Variants in CYFIP1 observed in about 807,000 individuals in gnomAD.
CYFIP1 encodes the protein cytoplasmic FMR1 interacting protein 1, also known as cytoplasmic FMR1-interacting protein 1.
CYFIP1 carries 58 observed loss-of-function variants against 163.5 expected under a neutral mutation model. The observed-to-expected ratio is 0.35, with a 90% CI of 0.29 to 0.44. The LOEUF (loss-of-function observed/expected upper bound fraction) is 0.44. Ranked by LOEUF, CYFIP1 falls within the 20% of genes least tolerant of loss-of-function variation. The pLI is 1.00. For missense variants in CYFIP1, 1,338 were observed against 1,653.8 expected (o/e 0.81, Z 3.31); for synonymous variants, 663 against 660.7 (o/e 1.00, Z -0.05).
chr15:22,913,548 A>AAAAG (rs1410120461), intron 17 of CYFIP1, among the ~76,000 whole-genome samples: 8 of 141,404 alleles, frequency 5.7e-5, no homozygotes, highest in African/African-American at 1.5e-4. Context: ...AAAAAAAAAA[A>AAAAG]AAAGAAAGAA....
intron 23 of CYFIP1, among the ~76,000 whole-genome samples, chr15:22,884,495 G>A (rs962064747): frequency 7.2e-5 from 11 of 152,204 alleles, no homozygotes; most frequent in African/African-American, 2.7e-4. Context: ...AGGTCACACT[G>A]ATGTAAGATG....
At chr15:22,942,856 G>T (rs2061936106) in intron 6 of CYFIP1, among the ~76,000 whole-genome samples, 1 of 152,210 alleles carries the variant, frequency 6.6e-6, no homozygotes, top group African/African-American at 2.4e-5. Flanking sequence ...CCAGATGCCT[G>T]TGCTCTGTGA....
chr15:22,940,332 C>G (rs2061856688), intron 6 of CYFIP1, among the ~76,000 whole-genome samples: 1 of 152,210 alleles, frequency 6.6e-6, no homozygotes, highest in Non-Finnish European at 1.5e-5. Flanking sequence ...CAGGGAGCCC[C>G]ACACATTCCG....
At chr15:22,939,582 G>GAAGTT in intron 6 of CYFIP1, 75 bp from the exon 7 acceptor site, 1 of 668,000 alleles carries the variant, frequency 1.5e-6, no homozygotes, top group Non-Finnish European at 2.2e-6. Flanking sequence ...AAAAAAAAAA[G>GAAGTT]CCTGGTTCGA....
intron 11 of CYFIP1, among the ~76,000 whole-genome samples, chr15:22,928,808 T>C (rs542937769): frequency 2.1e-4 from 32 of 152,226 alleles, no homozygotes; most frequent in African/African-American, 7.5e-4. Context: ...AGATCGGAAA[T>C]GCAATGCCTA....
At chr15:22,951,963 G>A (rs376346347) in intron 1 of CYFIP1, among the ~76,000 whole-genome samples, 1 of 152,174 alleles carries the variant, frequency 6.6e-6, no homozygotes, top group Non-Finnish European at 1.5e-5. Context: ...ATGGAAAAAC[G>A]CCAGATGCGC....
rs2059472083 is a variant in CYFIP1, at chr15:22,872,708, TTGG to T, written c.3597+114_3597+116del. ...TTTGGGAACGAAAAGAAAGTTTCTG[TTGG>T]TGGCACCTTACGTACTAGGATGAAA... On this transcript the variant is annotated intron_variant, in intron 30 of 30. Transcript: ENST00000617928. 10 of 1,021,712 alleles carry T rather than the reference TTGG, an allele frequency of 9.8e-6. No individual in the cohort carries two copies. The East Asian group carries it at 2.2e-4, about 23-fold the overall frequency. 63.3% of individuals were successfully genotyped at this position (1,021,712 alleles called of 1,614,324 possible). A position where few individuals can be genotyped will look rare whatever the true frequency, so the allele number is the denominator to read the frequency against.
chr15:22,945,115 T>A (rs756178993), intron 3 of CYFIP1, among the ~76,000 whole-genome samples, 176 bp from the exon 4 acceptor site: 1 of 152,100 alleles, frequency 6.6e-6, no homozygotes, highest in Non-Finnish European at 1.5e-5. Flanking sequence ...GGGGCCACAA[T>A]GACCACCCAA....
At position 22,917,517 on chromosome 15, in the gene CYFIP1, T is replaced by C. The variant is rs1285457411; in HGVS notation, c.1674+271A>G. ...ACAGAATGAATACAGACACGTGGAC[T>C]TGTGCCCACATTTTTGGGATGGGAG... On this transcript the variant is annotated intron_variant, in intron 15 of 30. Transcript: ENST00000617928. This position sits in a 1 kb window ranked among gnomAD's most constrained non-coding sequence, Gnocchi z 4.2. The C allele has an allele frequency of 1.8e-6, 1 of 557,070 alleles. No homozygotes were observed. The allele number at this position is 557,070 out of a possible 1,614,324, so 34.5% of individuals were successfully genotyped here. A position where few individuals can be genotyped will look rare whatever the true frequency, so the allele number is the denominator to read the frequency against.
At chr15:22,951,841 G>A (rs1698432447) in intron 1 of CYFIP1, among the ~76,000 whole-genome samples, 1 of 152,192 alleles carries the variant, frequency 6.6e-6, no homozygotes, top group African/African-American at 2.4e-5. Flanking sequence ...CTGCTCGTGC[G>A]TCAGCTGTGA....
At chr15:22,931,928 T>G (rs1366680271) in intron 11 of CYFIP1, among the ~76,000 whole-genome samples, 2 of 152,034 alleles carry the variant, frequency 1.3e-5, no homozygotes, top group African/African-American at 4.8e-5. Context: ...CTATCCAGAG[T>G]CTTCAGCACA....
chr15:22,973,996 C>A (rs533287332), intron 1 of CYFIP1, among the ~76,000 whole-genome samples: 1 of 152,304 alleles, frequency 6.6e-6, no homozygotes, highest in South Asian at 2.1e-4. Flanking sequence ...ACCTGTCAGA[C>A]TGGCTCTTGT....
intron 23 of CYFIP1, among the ~76,000 whole-genome samples, chr15:22,891,124 C>A (rs1305567808): frequency 6.8e-6 from 1 of 147,928 alleles, no homozygotes; most frequent in Non-Finnish European, 1.5e-5. Context: ...AAAAAAATAA[C>A]CCCTAAAACA....
At chr15:22,892,100 C>T (rs1328396322) in intron 23 of CYFIP1, among the ~76,000 whole-genome samples, 1 of 152,208 alleles carries the variant, frequency 6.6e-6, no homozygotes, top group East Asian at 1.9e-4. Context: ...ACAGGCGAGC[C>T]GGATCCTCTG....
chr15:22,943,165 G>C lies in CYFIP1; in HGVS notation c.569+8C>G, dbSNP rs748008858. 1 of 1,613,710 alleles carries C rather than the reference G, an allele frequency of 6.2e-7. No homozygotes were observed. The highest frequency in any genetic ancestry group is 1.1e-5 in the South Asian group (1 of 91,038). On this transcript the variant is annotated splice_region_variant and intron_variant, in intron 6 of 30. Coordinates refer to ENST00000617928, the MANE Select transcript of CYFIP1 (RefSeq NM_014608.6). ...GGAGGGCCCGCAGTGCGCGAGGTGGGTGCTCACCTCTTGTACGCTGAGTGG... is the reference window on the plus strand; with the variant it reads ...GGAGGGCCCGCAGTGCGCGAGGTGGCTGCTCACCTCTTGTACGCTGAGTGG...
At chr15:22,908,690 G>A (rs977079889) in intron 21 of CYFIP1, among the ~76,000 whole-genome samples, 4 of 151,522 alleles carry the variant, frequency 2.6e-5, no homozygotes, top group African/African-American at 4.9e-5. Flanking sequence ...CACCACGCCC[G>A]CCTAATTTTT....
intron 1 of CYFIP1, among the ~76,000 whole-genome samples, chr15:22,952,595 C>T (rs2140145689): frequency 7.3e-6 from 1 of 137,806 alleles, no homozygotes; most frequent in South Asian, 2.3e-4. Flanking sequence ...GCGGAGGTTG[C>T]AGTGAGCTGA....
intron 17 of CYFIP1, among the ~76,000 whole-genome samples, chr15:22,914,324 C>T (rs2060896055): frequency 6.6e-6 from 1 of 152,158 alleles, no homozygotes; most frequent in African/African-American, 2.4e-5. Context: ...AGGAACGTGA[C>T]TGGTTCTAGT....
At chr15:22,936,708 T>TGGGAACATC (rs543947682) in intron 9 of CYFIP1, among the ~76,000 whole-genome samples, 116 of 152,270 alleles carry the variant, frequency 7.6e-4, no homozygotes, top group Non-Finnish European at 1.4e-3. Flanking sequence ...CGCCAAAACT[T>TGGGAACATC]GGGAACATCC....
Sources: gnomAD v4.1 joint callset for allele counts (sites outside exome capture counted in the v4.1 genomes callset) on GRCh38, gnomAD v4.1.1 for gene constraint, Gnocchi (gnomAD v3.1) non-coding constraint, MANE v1.5 for transcripts, NCBI Gene and HGNC (gene_info 2026-07-23, HGNC 2026-07-21) for gene names.